FBXL17: variants seen among roughly 807,000 people sequenced by gnomAD.
The protein encoded by FBXL17 is F-box and leucine rich repeat protein 17.
FBXL17 carries 22 observed loss-of-function variants against 66.2 expected under a neutral mutation model. The ratio of observed to expected loss-of-function variants is 0.33; its 90% CI spans 0.24 to 0.47. The LOEUF (loss-of-function observed/expected upper bound fraction) is 0.47, where lower values mean the gene tolerates loss of function less well. Ranked by LOEUF, FBXL17 falls within the 20% of genes least tolerant of loss-of-function variation. The pLI, the probability that FBXL17 is intolerant of heterozygous loss-of-function variation, is 1.00. For synonymous variants in FBXL17, 474 were observed against 400.5 expected, an observed-to-expected ratio of 1.18 and a Z score of -2.19; for missense variants, 878 against 948.2, an observed-to-expected ratio of 0.93 and a Z score of 0.97.
chr5:108,354,527 A>G (rs1307051379), intron 3 of FBXL17, among the ~76,000 whole-genome samples: 1 of 152,084 alleles, frequency 6.6e-6, no homozygotes, highest in Non-Finnish European at 1.5e-5. Context: ...GTGAAAAGTG[A>G]ATACCAAGAA....
chr5:108,044,779 G>A (rs1320979503), intron 6 of FBXL17, among the ~76,000 whole-genome samples: 1 of 152,048 alleles, frequency 6.6e-6, no homozygotes, highest in African/African-American at 2.4e-5. Flanking sequence ...ATTTATTTTG[G>A]GGGATTTTTT....
chr5:108,169,966 T>C (rs1321898820), intron 6 of FBXL17, among the ~76,000 whole-genome samples: 1 of 152,022 alleles, frequency 6.6e-6, no homozygotes, highest in Non-Finnish European at 1.5e-5. Flanking sequence ...AATGTAACAT[T>C]CTAAAAAATT....
At chr5:107,872,567 T>C (rs554286145) in intron 8 of FBXL17, among the ~76,000 whole-genome samples, 2 of 152,360 alleles carry the variant, frequency 1.3e-5, no homozygotes, top group South Asian at 2.1e-4. Context: ...TATCCATTCA[T>C]CCAGCATGCA....
chr5:108,349,193 A>T (rs1350606570), intron 3 of FBXL17, among the ~76,000 whole-genome samples: 4 of 152,330 alleles, frequency 2.6e-5, no homozygotes, highest in African/African-American at 9.6e-5. Flanking sequence ...TTATACAACC[A>T]CTACAATTGG....
At chr5:108,330,448 C>T (rs1016363379) in intron 4 of FBXL17, among the ~76,000 whole-genome samples, 5 of 152,234 alleles carry the variant, frequency 3.3e-5, no homozygotes, top group Admixed American at 2.6e-4. Context: ...AACTTCAATG[C>T]AATTAATTAT....
intron 6 of FBXL17, among the ~76,000 whole-genome samples, chr5:108,030,904 C>T (rs1746596476): frequency 6.6e-6 from 1 of 151,970 alleles, no homozygotes; most frequent in South Asian, 2.1e-4. Flanking sequence ...CTGGTAATGA[C>T]AGAATTTTAT....
chr5:107,939,128 TATC>T (rs1343367716), intron 7 of FBXL17, among the ~76,000 whole-genome samples: 1 of 152,142 alleles, frequency 6.6e-6, no homozygotes, highest in African/African-American at 2.4e-5. Flanking sequence ...ATCCTTATAA[TATC>T]AACAACAGTT....
intron 6 of FBXL17, among the ~76,000 whole-genome samples, chr5:108,174,447 A>T (rs1752717363): frequency 6.6e-6 from 1 of 152,228 alleles, no homozygotes; most frequent in South Asian, 2.1e-4. Context: ...AATTAGCCTA[A>T]ATTAATTGCT....
chr5:108,051,392 G>C (rs111765026), intron 6 of FBXL17, among the ~76,000 whole-genome samples: 1 of 152,088 alleles, frequency 6.6e-6, no homozygotes, highest in Non-Finnish European at 1.5e-5. Flanking sequence ...TATCCACCAC[G>C]GTCAAGGTGG....
intron 6 of FBXL17, among the ~76,000 whole-genome samples, chr5:108,132,084 C>T (rs1461910606): frequency 1.3e-5 from 2 of 151,684 alleles, no homozygotes; most frequent in Non-Finnish European, 2.9e-5. Context: ...TCAAGCGATT[C>T]TCCTGCCTCA....
intron 4 of FBXL17, among the ~76,000 whole-genome samples, chr5:108,248,709 C>A (rs906290704): frequency 6.6e-6 from 1 of 152,128 alleles, no homozygotes; most frequent in African/African-American, 2.4e-5. Context: ...AGTAAGATCT[C>A]TCTACAACTC....
At chr5:107,941,038 C>CTT (rs939946670) in intron 7 of FBXL17, among the ~76,000 whole-genome samples, 9 of 151,924 alleles carry the variant, frequency 5.9e-5, no homozygotes, top group Admixed American at 3.9e-4. Flanking sequence ...AACAGCAAAA[C>CTT]TTAACTAGTA....
At chr5:108,005,793 T>C (rs1442595493) in intron 7 of FBXL17, among the ~76,000 whole-genome samples, 1 of 152,234 alleles carries the variant, frequency 6.6e-6, no homozygotes, top group Non-Finnish European at 1.5e-5. Context: ...GTGGCAATTC[T>C]AGAAGCTATG....
At chr5:108,066,905 T>C (rs1238787166) in intron 6 of FBXL17, among the ~76,000 whole-genome samples, 1 of 152,080 alleles carries the variant, frequency 6.6e-6, no homozygotes, top group Non-Finnish European at 1.5e-5. Flanking sequence ...AGTCTTTGAA[T>C]ATTGAAAATG....
chr5:108,031,000 A>G (rs1017766418), intron 6 of FBXL17, among the ~76,000 whole-genome samples: 3 of 152,108 alleles, frequency 2.0e-5, no homozygotes, highest in African/African-American at 7.2e-5. Context: ...TAGATTCACA[A>G]TACTATTAGG....
intron 7 of FBXL17, among the ~76,000 whole-genome samples, chr5:107,978,009 A>G (rs1177714099): frequency 6.6e-6 from 1 of 152,212 alleles, no homozygotes; most frequent in African/African-American, 2.4e-5. Flanking sequence ...CATGATCAGA[A>G]TCACCTGTAG....
chr5:108,037,622 C>G (rs554965438), intron 6 of FBXL17, among the ~76,000 whole-genome samples: 1 of 152,296 alleles, frequency 6.6e-6, no homozygotes, highest in South Asian at 2.1e-4. Flanking sequence ...GCCACAGACT[C>G]AGCAGTCTGA....
intron 7 of FBXL17, among the ~76,000 whole-genome samples, chr5:107,993,185 G>A (rs998602325): frequency 6.6e-6 from 1 of 152,076 alleles, no homozygotes; most frequent in African/African-American, 2.4e-5. Context: ...GTGAGCCACC[G>A]CACCCGGCCT....
intron 6 of FBXL17, among the ~76,000 whole-genome samples, chr5:108,081,668 A>AGC (rs894393555): frequency 1.7e-4 from 26 of 152,254 alleles, no homozygotes; most frequent in African/African-American, 6.0e-4. Flanking sequence ...GCTTGCAGTG[A>AGC]GCCGAGATCG....
Sources: gnomAD v4.1 joint callset for allele counts (sites outside exome capture counted in the v4.1 genomes callset) on GRCh38, gnomAD v4.1.1 for gene constraint, MANE v1.5 for transcripts, NCBI Gene and HGNC (gene_info 2026-07-23, HGNC 2026-07-21) for gene names.